Variants in JPH1 observed in about 807,000 individuals in gnomAD.
JPH1 encodes junctophilin-1.
In JPH1, 12 loss-of-function variants were observed where a neutral mutation model predicts 53.6. That is an observed-to-expected ratio of 0.22 (90% CI 0.14 to 0.36). The LOEUF (loss-of-function observed/expected upper bound fraction) is 0.36. Ranked by LOEUF, JPH1 falls within the 10% of genes least tolerant of loss-of-function variation. JPH1 has a pLI of 1.00. For synonymous variants in JPH1, 375 were observed against 363.8 expected, an observed-to-expected ratio of 1.03 and a Z score of -0.35; for missense variants, 808 against 905.5, an observed-to-expected ratio of 0.89 and a Z score of 1.38.
chr8:74,272,402 A>G (rs1806725108), intron 2 of JPH1, among the ~76,000 whole-genome samples: 1 of 152,080 alleles, frequency 6.6e-6, no homozygotes, highest in African/African-American at 2.4e-5. Flanking sequence ...GCTAGGGGTG[A>G]AAAGAAAACT....
At chr8:74,254,865 C>A (rs1806171356) in intron 3 of JPH1, among the ~76,000 whole-genome samples, 1 of 152,062 alleles carries the variant, frequency 6.6e-6, no homozygotes, top group African/African-American at 2.4e-5. Context: ...TCAAGGAGAA[C>A]TACAAACCAC....
intron 3 of JPH1, among the ~76,000 whole-genome samples, chr8:74,247,318 C>G (rs1805886947): frequency 6.6e-6 from 1 of 152,166 alleles, no homozygotes; most frequent in African/African-American, 2.4e-5. Context: ...CATAGCATTA[C>G]TAAAATACCC....
At chr8:74,284,584 C>T (rs563038899) in intron 2 of JPH1, among the ~76,000 whole-genome samples, 1 of 152,116 alleles carries the variant, frequency 6.6e-6, no homozygotes, top group Non-Finnish European at 1.5e-5. Flanking sequence ...GCCTTTCCGA[C>T]TAGCAACTTT....
chr8:74,275,143 TAA>T (rs934866889), intron 2 of JPH1, among the ~76,000 whole-genome samples: 15 of 151,902 alleles, frequency 9.9e-5, no homozygotes, highest in African/African-American at 3.6e-4. Context: ...AATGTTAAGT[TAA>T]AAAAAAGTCT....
At position 74,314,953 on chromosome 8, in the gene JPH1, A is replaced by T. The variant is rs747953908; in HGVS notation, c.1047T>A (p.His349Gln). 1.2e-6 allele frequency: 2 copies of T among 1,614,000 alleles called. No homozygotes were observed. Among genetic ancestry groups the T allele is most frequent in the Admixed American group, 3.3e-5 (2 of 59,998 alleles). Residue 349 changes from histidine (H) to glutamine (Q), a missense_variant, in exon 2 of 6, where the codon CAT (histidine) becomes CAA (glutamine). His to Gln is a conservative substitution (Grantham distance 24). Around this residue, in one of 2 missense-constraint regions of JPH1, gnomAD observed 756 missense variants for 811.9 expected, o/e 0.93. Coordinates refer to ENST00000342232, the MANE Select transcript of JPH1 (RefSeq NM_020647.4). ...TGTCCACCTTCTCCCTAGTTTTTGT[A>T]TGTCTTATTGGTATAAGCTGCTTCC... ...GIRKQLIPIR[H>Q]TKTREKVDRA... is the part of the protein sequence containing the mutation.
At chr8:74,301,996 C>T (rs545100748) in intron 2 of JPH1, among the ~76,000 whole-genome samples, 7 of 152,320 alleles carry the variant, frequency 4.6e-5, no homozygotes, top group South Asian at 2.1e-4. Context: ...GGGGCTCTGA[C>T]GCTGCCGTGT....
chr8:74,300,982 A>G (rs1351496916), intron 2 of JPH1, among the ~76,000 whole-genome samples: 2 of 151,894 alleles, frequency 1.3e-5, no homozygotes, highest in African/African-American at 2.4e-5. Flanking sequence ...GAATCACTAC[A>G]TTTTCTAATT....
intron 2 of JPH1, among the ~76,000 whole-genome samples, chr8:74,271,737 G>A (rs1806706837): frequency 6.6e-6 from 1 of 152,196 alleles, no homozygotes; most frequent in South Asian, 2.1e-4. Flanking sequence ...GAAGAAAACA[G>A]GGGCACAGAA....
chr8:74,312,473 C>T (rs1198626644), intron 2 of JPH1, among the ~76,000 whole-genome samples: 1 of 152,174 alleles, frequency 6.6e-6, no homozygotes, highest in Non-Finnish European at 1.5e-5. Flanking sequence ...TGGTCTTGAA[C>T]TCCTGGGCTC....
At chr8:74,264,641 T>C (rs1472979215) in intron 2 of JPH1, among the ~76,000 whole-genome samples, 5 of 152,204 alleles carry the variant, frequency 3.3e-5, no homozygotes, top group African/African-American at 1.2e-4. Context: ...TTTGAAAGTA[T>C]TAATAGCCAC....
intron 3 of JPH1, among the ~76,000 whole-genome samples, chr8:74,253,570 CA>C (rs1330114853): frequency 2.0e-5 from 3 of 151,906 alleles, no homozygotes; most frequent in African/African-American, 7.3e-5. Flanking sequence ...AATAGAGACA[CA>C]AAAAACCCTT....
chr8:74,261,493 TTG>T (rs1203036758), intron 2 of JPH1, among the ~76,000 whole-genome samples: 10 of 152,150 alleles, frequency 6.6e-5, no homozygotes, highest in African/African-American at 2.4e-4. Context: ...TTTAGATTAT[TTG>T]TGTATGGGGT....
chr8:74,305,865 T>C (rs1262222009), intron 2 of JPH1, among the ~76,000 whole-genome samples: 1 of 152,262 alleles, frequency 6.6e-6, no homozygotes, highest in East Asian at 1.9e-4. Flanking sequence ...ACCTTCCCAT[T>C]TATTATGGCC....
intron 2 of JPH1, among the ~76,000 whole-genome samples, chr8:74,296,174 C>G (rs1223235522): frequency 6.6e-6 from 1 of 152,086 alleles, no homozygotes; most frequent in African/African-American, 2.4e-5. Context: ...TTTGGAGTGC[C>G]TATAATGTCT....
At chr8:74,274,749 C>T (rs1291406361) in intron 2 of JPH1, among the ~76,000 whole-genome samples, 1 of 152,098 alleles carries the variant, frequency 6.6e-6, no homozygotes, top group Non-Finnish European at 1.5e-5. Flanking sequence ...GACCTAAAGC[C>T]AGAATTATCC....
intron 2 of JPH1, among the ~76,000 whole-genome samples, chr8:74,304,281 G>C (rs1807770774): frequency 6.6e-6 from 1 of 152,214 alleles, no homozygotes. Context: ...AATGATTAAA[G>C]TTGGTATTTC....
intron 2 of JPH1, among the ~76,000 whole-genome samples, chr8:74,281,607 G>C (rs1807018569): frequency 6.6e-6 from 1 of 152,146 alleles, no homozygotes; most frequent in African/African-American, 2.4e-5. Context: ...AAGATGCTAA[G>C]AGTTCTGATT....
Position 74,315,410 on chromosome 8 carries a change from A to T in JPH1, c.590T>A (p.Phe197Tyr). The T allele has an allele frequency of 3.7e-6, 6 of 1,612,362 alleles. No individual in the cohort carries two copies. Among genetic ancestry groups the T allele is most frequent in the Non-Finnish European group, 4.2e-6 (5 of 1,179,918 alleles). Residue 197 changes from phenylalanine to tyrosine, a missense_variant, in exon 2 of 6, where the codon TTC becomes TAC. Physicochemically the swap from Phe to Tyr is conservative, Grantham distance 22 (BLOSUM62 3). Transcript: ENST00000342232. The surrounding 1 kb of genome is among the most constrained non-coding windows in gnomAD (Gnocchi z 6.3). ...GCCCGCTAGCTCAGCGTCTGCGTGGAAGTTGAGCACGAAACCGCCGCGGGT... is the reference window on the plus strand; with the variant it reads ...GCCCGCTAGCTCAGCGTCTGCGTGGTAGTTGAGCACGAAACCGCCGCGGGT... ...AGTRGGFVLN[F>Y]HADAELAGKK...
chr8:74,301,775 T>C (rs755190700), intron 2 of JPH1, among the ~76,000 whole-genome samples: 1 of 152,248 alleles, frequency 6.6e-6, no homozygotes, highest in Non-Finnish European at 1.5e-5. Context: ...TACCATGTTA[T>C]ACTGACCTTA....
Sources: gnomAD v4.1 joint callset for allele counts (sites outside exome capture counted in the v4.1 genomes callset) on GRCh38, gnomAD v4.1.1 for gene constraint, gnomAD v4.1.1 regional missense constraint, Gnocchi (gnomAD v3.1) non-coding constraint, MANE v1.5 for transcripts, NCBI Gene and HGNC (gene_info 2026-07-23, HGNC 2026-07-21) for gene names.